PHLDB2: variants seen among roughly 807,000 people sequenced by gnomAD.
PHLDB2 encodes the protein pleckstrin homology-like domain family B member 2.
A neutral mutation model predicts 123.6 loss-of-function variants in PHLDB2; 71 were observed. The ratio of observed to expected loss-of-function variants is 0.57; its 90% CI spans 0.47 to 0.70. PHLDB2 has a LOEUF of 0.70. PHLDB2 is among the 30% of genes least tolerant of loss of function. The pLI, the probability that PHLDB2 is intolerant of heterozygous loss-of-function variation, is 0.00. For synonymous variants in PHLDB2, 547 were observed against 541.6 expected (o/e 1.01, Z -0.14); for missense variants, 1,446 against 1,519.5 (o/e 0.95, Z 0.80).
At chr3:111,844,882 A>C (rs956075037) in intron 1 of PHLDB2, among the ~76,000 whole-genome samples, 4 of 152,200 alleles carry the variant, frequency 2.6e-5, no homozygotes, top group African/African-American at 9.6e-5. Flanking sequence ...AATATTTGGC[A>C]TACTAGGTGT....
chr3:111,830,489 C>A, intron 1 of PHLDB2, among the ~76,000 whole-genome samples: 2 of 131,628 alleles, frequency 1.5e-5, no homozygotes, highest in Admixed American at 8.5e-5. Flanking sequence ...TCTGAAATAC[C>A]ATGAATAAGG....
chr3:111,828,183 C>G (rs533635833), intron 1 of PHLDB2, among the ~76,000 whole-genome samples: 1 of 152,210 alleles, frequency 6.6e-6, no homozygotes, highest in Non-Finnish European at 1.5e-5. Flanking sequence ...AAGAGTTTCC[C>G]CTTCTCTTCT....
At chr3:111,932,763 G>A (rs1407399572) in intron 6 of PHLDB2, among the ~76,000 whole-genome samples, 1 of 152,062 alleles carries the variant, frequency 6.6e-6, no homozygotes, top group African/African-American at 2.4e-5. Context: ...ACCCTTGAAT[G>A]TTTTGTTCTT....
chr3:111,754,225 A>G (rs1338238335), intron 1 of PHLDB2, among the ~76,000 whole-genome samples: 1 of 147,966 alleles, frequency 6.8e-6, no homozygotes, highest in Non-Finnish European at 1.5e-5. Context: ...CACTGAATCT[A>G]TAAATTACCT....
chr3:111,761,761 G>T (rs1439070911), intron 1 of PHLDB2, among the ~76,000 whole-genome samples: 1 of 152,100 alleles, frequency 6.6e-6, no homozygotes, highest in Admixed American at 6.5e-5. Flanking sequence ...GCTGGTCGGG[G>T]ATACCACACC....
intron 3 of PHLDB2, chr3:111,917,303 T>C (rs1559902248): frequency 6.6e-6 from 1 of 152,256 alleles, no homozygotes; most frequent in Non-Finnish European, 1.5e-5. Context: ...CTATTAACCA[T>C]CTTTACTCCC....
chr3:111,848,530 A>C (rs1398968572), intron 2 of PHLDB2, among the ~76,000 whole-genome samples: 1 of 152,240 alleles, frequency 6.6e-6, no homozygotes, highest in Non-Finnish European at 1.5e-5. Flanking sequence ...ACAGCACTCC[A>C]AGTGTTGAGG....
chr3:111,859,717 A>G (rs1395148073), intron 1 of PHLDB2, 141 bp downstream of exon 1: 10 of 983,738 alleles, frequency 1.0e-5, no homozygotes, highest in Non-Finnish European at 1.2e-5. Context: ...GGCGGAGAGG[A>G]GGCAGTGGCT....
intron 1 of PHLDB2, among the ~76,000 whole-genome samples, chr3:111,843,367 G>C (rs2063784261): frequency 6.6e-6 from 1 of 152,186 alleles, no homozygotes; most frequent in Non-Finnish European, 1.5e-5. Context: ...CTCCTTCGGA[G>C]CAATGTCTAC....
intron 1 of PHLDB2, among the ~76,000 whole-genome samples, chr3:111,827,627 T>C (rs906330322): frequency 1.2e-4 from 17 of 145,368 alleles, no homozygotes; most frequent in African/African-American, 4.3e-4. Context: ...TGAGCCGAGA[T>C]TGGAGATTGT....
rs563034380 is a variant in PHLDB2, at chr3:111,779,783, T to C, written c.-49+47080T>C. 5.7e-6 allele frequency: 5 copies of C among 871,582 alleles called. No homozygotes were observed. The East Asian group carries it at 4.8e-4, about 84-fold the overall frequency. 54.0% of individuals were successfully genotyped at this position (871,582 alleles called of 1,614,324 possible). ...TCTTGTGGCAGAATGCAAAAATCTA[T>C]ACTCTTAAGAGGACTCTGACCTCCA... On this transcript the variant is annotated intron_variant, in intron 1 of 17. Coordinates refer to the PHLDB2 transcript ENST00000393923.
chr3:111,950,358 GT>G (rs2070630535), intron 10 of PHLDB2, among the ~76,000 whole-genome samples: 1 of 152,038 alleles, frequency 6.6e-6, no homozygotes, highest in Non-Finnish European at 1.5e-5. Flanking sequence ...GTTTTAATCT[GT>G]TTTATAAATT....
intron 12 of PHLDB2, among the ~76,000 whole-genome samples, chr3:111,959,793 C>T (rs907581709): frequency 3.3e-5 from 5 of 152,222 alleles, no homozygotes; most frequent in African/African-American, 1.2e-4. Context: ...ATACAGTTCC[C>T]TTAAGAAACA....
chr3:111,930,336 A>T (rs899900624), intron 5 of PHLDB2, among the ~76,000 whole-genome samples: 2 of 152,144 alleles, frequency 1.3e-5, no homozygotes, highest in African/African-American at 4.8e-5. Context: ...CAAATATCAT[A>T]TCAGTGTTTT....
At chr3:111,882,876 A>T (rs541163164) in intron 1 of PHLDB2, among the ~76,000 whole-genome samples, 4 of 152,228 alleles carry the variant, frequency 2.6e-5, no homozygotes, top group Non-Finnish European at 5.9e-5. Flanking sequence ...CACCTATAGG[A>T]CAACAAGAGC....
chr3:111,817,139 C>CT (rs1164543292), intron 1 of PHLDB2, among the ~76,000 whole-genome samples: 2 of 152,144 alleles, frequency 1.3e-5, no homozygotes, highest in Admixed American at 1.3e-4. Flanking sequence ...TCAGGCATGT[C>CT]TTTATCAGCA....
At chr3:111,839,438 C>G (rs1047762063) in intron 1 of PHLDB2, among the ~76,000 whole-genome samples, 3 of 152,262 alleles carry the variant, frequency 2.0e-5, no homozygotes, top group Non-Finnish European at 4.4e-5. Flanking sequence ...ACAATGTACT[C>G]TCAAGTAGCT....
Position 111,945,289 on chromosome 3 carries a change from T to C in PHLDB2, c.2419T>C (p.Leu807=). ...LQREKENLCN[L]EKKYSSLSGG... ...TCAGGAAAAGGAGAATCTTTGTAAT[T>C]TGGAAAAGAAATACTCCAGCCTCTC... Residue 807 remains leucine (L), a synonymous_variant, in exon 9 of 18, where the codon TTG becomes CTG. Transcript: ENST00000431670. The C allele has an allele frequency of 6.2e-7, 1 of 1,610,254 alleles. No individual in the cohort carries two copies. The highest frequency in any genetic ancestry group is 8.5e-7 in the Non-Finnish European group (1 of 1,177,120).
chr3:111,911,870 T>C, intron 2 of PHLDB2: 1 of 721,990 alleles, frequency 1.4e-6, no homozygotes. Context: ...ATGTATTTAA[T>C]GGAACCTAAG....
Sources: allele counts gnomAD v4.1 joint callset (sites outside exome capture counted in the v4.1 genomes callset), GRCh38; gene constraint gnomAD v4.1.1; transcripts MANE v1.5; gene names NCBI Gene and HGNC (gene_info 2026-07-23, HGNC 2026-07-21).